Variants in BBC3 observed in about 807,000 individuals in gnomAD.
The protein encoded by BBC3 is BCL2 binding component 3, also known as bcl-2-binding component 3.
BBC3 carries 5 observed loss-of-function variants against 18.2 expected under a neutral mutation model. The ratio of observed to expected loss-of-function variants is 0.27; its 90% CI spans 0.14 to 0.58. The LOEUF (loss-of-function observed/expected upper bound fraction) is 0.58, where lower values mean the gene tolerates loss of function less well. Among genes scored for constraint, BBC3 ranks in the 20% least tolerant of loss-of-function variants. The pLI is 0.91. For synonymous variants in BBC3, 119 were observed against 128.0 expected (o/e 0.93, Z 0.47); for missense variants, 224 against 268.9 (o/e 0.83, Z 1.17).
chr19:47,228,135 C>T lies in BBC3; in HGVS notation c.274+23G>A. 8.1e-7 allele frequency: 1 copy of T among 1,228,738 alleles called. No homozygotes were observed. The highest frequency in any genetic ancestry group is 3.1e-5 in the East Asian group (1 of 31,780). 76.1% of individuals were successfully genotyped at this position (1,228,738 alleles called of 1,614,324 possible). On this transcript the variant is annotated intron_variant, in intron 2 of 3. Coordinates refer to ENST00000439096, the MANE Select transcript of BBC3 (RefSeq NM_014417.5). This position sits in a 1 kb window ranked among gnomAD's most constrained non-coding sequence, Gnocchi z 5.5. Reference sequence around the variant, plus strand: ...CTCTCTCTTCCCGGCTCCTATCACCCCGGGGGCGGGGCGGGCACTCACCGT... The same window carrying T: ...CTCTCTCTTCCCGGCTCCTATCACCTCGGGGGCGGGGCGGGCACTCACCGT...
At position 47,228,223 on chromosome 19, in the gene BBC3, G is replaced by A. The variant is rs2058862801; in HGVS notation, c.209C>T (p.Ala70Val). The change falls in exon 2 of 4, where the codon GCC becomes GTC. Residue 70 changes from alanine to valine, a missense_variant. By Grantham distance (64) the Ala-to-Val change is moderately conservative. Coordinates refer to ENST00000439096, the MANE Select transcript of BBC3 (RefSeq NM_014417.5). The surrounding 1 kb of genome is among the most constrained non-coding windows in gnomAD (Gnocchi z 5.5). ...AGGCCAGCGGGAACCCCCCAGGGCG[G>A]CGGTGACGGCGGGTGGGGCGGTGGG... ...CAPTAPPAVTAALGGSRWPGG... is the reference protein window; with the variant it reads ...CAPTAPPAVTVALGGSRWPGG... The A allele has an allele frequency of 1.6e-6, 2 of 1,221,920 alleles. No individual in the cohort carries two copies. The highest frequency in any genetic ancestry group is 2.0e-6 in the Non-Finnish European group (2 of 981,564). 75.7% of individuals were successfully genotyped at this position (1,221,920 alleles called of 1,614,324 possible). A position where few individuals can be genotyped will look rare whatever the true frequency, so the allele number is the denominator to read the frequency against.
Position 47,230,930 on chromosome 19 carries a change from C to G in BBC3, c.-17G>C. ...AGGATTCGGGGCGCGCACACTCACC[C>G]CGGGGGCATGAACACGCCGGAGGGG... On this transcript the variant is annotated splice_region_variant and 5_prime_UTR_variant, in exon 1 of 4. Coordinates refer to ENST00000439096, the MANE Select transcript of BBC3 (RefSeq NM_014417.5). This position sits in a 1 kb window ranked among gnomAD's most constrained non-coding sequence, Gnocchi z 6.7. 1.0e-6 allele frequency: 1 copy of G among 983,920 alleles called. No individual in the cohort carries two copies. Among genetic ancestry groups the G allele is most frequent in the Non-Finnish European group, 1.2e-6 (1 of 828,630 alleles). The allele number at this position is 983,920 out of a possible 1,614,324, so 60.9% of individuals were successfully genotyped here. A position where few individuals can be genotyped will look rare whatever the true frequency, so the allele number is the denominator to read the frequency against.
chr19:47,229,991 C>T (rs1296611171), intron 1 of BBC3, among the ~76,000 whole-genome samples: 1 of 151,906 alleles, frequency 6.6e-6, no homozygotes, highest in Non-Finnish European at 1.5e-5. Flanking sequence ...GCACACATAT[C>T]GCACGCTCGG....
intron 3 of BBC3, among the ~76,000 whole-genome samples, chr19:47,222,963 C>CA (rs763480070): frequency 0.36 from 21,626 of 60,186 alleles, 2,981 homozygotes; most frequent in Admixed American, 0.41. Context: ...AACTCTGTCT[C>CA]AAAAAAAAAA....
At position 47,231,101 on chromosome 19, in the gene BBC3, G is replaced by C. The variant is rs865799685; in HGVS notation, c.-188C>G. 6.9e-4 allele frequency: 674 copies of C among 975,030 alleles called. 3 individuals are homozygous for C. The African/African-American group carries it at 0.011, about 16-fold the overall frequency. 60.4% of individuals were successfully genotyped at this position (975,030 alleles called of 1,614,324 possible). On this transcript the variant is annotated 5_prime_UTR_variant, in exon 1 of 4. Coordinates refer to ENST00000439096, the MANE Select transcript of BBC3 (RefSeq NM_014417.5). The surrounding 1 kb of genome is among the most constrained non-coding windows in gnomAD (Gnocchi z 4.0). ...GTGGCTGTGGCTGCTGCTGCTCCCC[G>C]GGCCGCAGGCGCGTCCGCGTCGTGG...
intron 2 of BBC3, chr19:47,227,323 C>T (rs995238697): frequency 1.4e-5 from 2 of 141,056 alleles, no homozygotes; most frequent in Non-Finnish European, 3.2e-5. Flanking sequence ...CCCCCCCCCC[C>T]CCCCACTTCT....
chr19:47,229,256 A>G (rs1359055783), intron 1 of BBC3, among the ~76,000 whole-genome samples: 2 of 151,098 alleles, frequency 1.3e-5, no homozygotes, highest in African/African-American at 4.9e-5. Context: ...CTCCAGAGAT[A>G]AGACCTGCAC....
chr19:47,226,196 G>A (rs2058816196), intron 3 of BBC3, among the ~76,000 whole-genome samples: 1 of 151,556 alleles, frequency 6.6e-6, no homozygotes, highest in Non-Finnish European at 1.5e-5. Context: ...ACGGCAGGGG[G>A]CGGGCGCGGC....
chr19:47,232,725 A>C (rs1192729653), upstream of BBC3: 1 of 852,186 alleles, frequency 1.2e-6, no homozygotes, highest in Non-Finnish European at 1.8e-6. Context: ...TCTCCTCTAC[A>C]CTTTCCATCC....
Position 47,221,767 on chromosome 19 carries a change from C to T in BBC3, c.*35G>A, listed in dbSNP as rs764225454. ...CAGGAGGTGGGAGGGGCCTGCCCCC[C>T]GAGTCCCTGACGTCCACCGGGCGGG... On this transcript the variant is annotated 3_prime_UTR_variant, in exon 4 of 4. Coordinates refer to ENST00000439096, the MANE Select transcript of BBC3 (RefSeq NM_014417.5). 4.4e-6 allele frequency: 7 copies of T among 1,606,716 alleles called. No individual in the cohort carries two copies. Among genetic ancestry groups the T allele is most frequent in the Admixed American group, 3.5e-5 (2 of 57,644 alleles).
chr19:47,222,069 G>T, intron 3 of BBC3, 151 bp from the exon 4 acceptor site: 1 of 647,964 alleles, frequency 1.5e-6, no homozygotes, highest in Non-Finnish European at 2.5e-6. Flanking sequence ...TGTCTCGGAG[G>T]TCACATCCTC....
Position 47,231,039 on chromosome 19 carries a change from C to T in BBC3, c.-126G>A. ...CCGCGGCGGCTGCTGCTGTGGCTGT[C>T]GCTGCTGCTGCCGCTCTAACTGCAG... On this transcript the variant is annotated 5_prime_UTR_variant, in exon 1 of 4. Transcript: ENST00000439096. The surrounding 1 kb of genome is among the most constrained non-coding windows in gnomAD (Gnocchi z 4.0). The T allele has an allele frequency of 1.0e-6, 1 of 981,446 alleles. No individual in the cohort carries two copies. Among genetic ancestry groups the T allele is most frequent in the Non-Finnish European group, 1.2e-6 (1 of 825,586 alleles). 60.8% of individuals were successfully genotyped at this position (981,446 alleles called of 1,614,324 possible).
Position 47,228,220 on chromosome 19 carries a change from G to T in BBC3, c.212C>A (p.Ala71Asp). ...APTAPPAVTAALGGSRWPGGP... is the reference protein window; with the variant it reads ...APTAPPAVTADLGGSRWPGGP... ...CCCAGGCCAGCGGGAACCCCCCAGG[G>T]CGGCGGTGACGGCGGGTGGGGCGGT... is the stretch of plus-strand genomic sequence containing the variant. Residue 71 changes from alanine to aspartate, a missense_variant, in exon 2 of 4, where the codon GCC (alanine) becomes GAC (aspartate). By Grantham distance (126) the Ala-to-Asp change is moderately radical (BLOSUM62 -2). Coordinates refer to ENST00000439096, the MANE Select transcript of BBC3 (RefSeq NM_014417.5). This position sits in a 1 kb window ranked among gnomAD's most constrained non-coding sequence, Gnocchi z 5.5. 1 of 1,222,938 alleles carries T rather than the reference G, an allele frequency of 8.2e-7. No individual in the cohort carries two copies. Among genetic ancestry groups the T allele is most frequent in the East Asian group, 3.2e-5 (1 of 31,022 alleles). The allele number at this position is 1,222,938 out of a possible 1,614,324, so 75.8% of individuals were successfully genotyped here.
intron 3 of BBC3, among the ~76,000 whole-genome samples, chr19:47,223,516 G>A (rs967956482): frequency 2.6e-5 from 4 of 152,090 alleles, no homozygotes; most frequent in Admixed American, 6.6e-5. Context: ...GCAGTGAGCC[G>A]AGATTGCACC....
chr19:47,222,035 T>C, intron 3 of BBC3, 117 bp from the exon 4 acceptor site: 5 of 876,344 alleles, frequency 5.7e-6, no homozygotes, highest in East Asian at 3.0e-5. Flanking sequence ...TTCCAGCTCC[T>C]CCCCCCGCCT....
chr19:47,231,271 G>A (rs1600255208), upstream of BBC3: 3 of 883,748 alleles, frequency 3.4e-6, no homozygotes, highest in Middle Eastern at 1.1e-3. This position sits in a 1 kb window ranked among gnomAD's most constrained non-coding sequence, Gnocchi z 4.0. Context: ...CGCCCGGCGG[G>A]TCCCACGCCC....
chr19:47,232,404 A>C (rs974070658), upstream of BBC3: 36 of 844,992 alleles, frequency 4.3e-5, no homozygotes, highest in African/African-American at 6.2e-4. Context: ...ACCAAATCAG[A>C]CATAGAAGAA....
At position 47,230,862 on chromosome 19, in the gene BBC3, C is replaced by G. The variant is rs2058905195; in HGVS notation, c.-16+67G>C. The G allele has an allele frequency of 3.1e-6, 3 of 982,590 alleles. No homozygotes were observed. Among genetic ancestry groups the G allele is most frequent in the Non-Finnish European group, 3.6e-6 (3 of 827,508 alleles). 60.9% of individuals were successfully genotyped at this position (982,590 alleles called of 1,614,324 possible). On this transcript the variant is annotated intron_variant, in intron 1 of 3. Coordinates refer to ENST00000439096, the MANE Select transcript of BBC3 (RefSeq NM_014417.5). The surrounding 1 kb of genome is among the most constrained non-coding windows in gnomAD (Gnocchi z 6.7). Reference sequence around the variant, plus strand: ...TGCTCTCCGCCTGCACTCCTGTCACCTCCTCCAGGGAGTCCACCCGGCCTG... The same window carrying G: ...TGCTCTCCGCCTGCACTCCTGTCACGTCCTCCAGGGAGTCCACCCGGCCTG...
chr19:47,226,467 G>T, intron 3 of BBC3, 97 bp downstream of exon 3: 3 of 1,107,210 alleles, frequency 2.7e-6, no homozygotes, highest in Non-Finnish European at 1.2e-6. Flanking sequence ...ACCCAGCCGC[G>T]CAGGGCAGCA....
Sources: gnomAD v4.1 joint callset for allele counts (sites outside exome capture counted in the v4.1 genomes callset) on GRCh38, gnomAD v4.1.1 for gene constraint, Gnocchi (gnomAD v3.1) non-coding constraint, MANE v1.5 for transcripts, NCBI Gene and HGNC (gene_info 2026-07-23, HGNC 2026-07-21) for gene names.